Variants in KLF13 observed in about 807,000 individuals in gnomAD.
KLF13 encodes Krueppel-like factor 13.
Under a neutral mutation model 16.7 loss-of-function variants are expected in KLF13, and 8 were observed. The ratio of observed to expected loss-of-function variants is 0.48; its 90% confidence interval spans 0.28 to 0.87. KLF13 has a LOEUF of 0.87. KLF13 is among the 40% of genes least tolerant of loss of function. The probability of loss-of-function intolerance (pLI) is 0.10; values close to 1 mark genes in which losing one functional copy is unlikely to be tolerated. For missense variants in KLF13, 447 were observed against 452.2 expected, an observed-to-expected ratio of 0.99 and a Z score of 0.10; for synonymous variants, 245 against 208.4, an observed-to-expected ratio of 1.18 and a Z score of -1.51.
chr15:31,423,149 A>G (rs59886108), intron 1 of KLF13, among the ~76,000 whole-genome samples: 5 of 102,404 alleles, frequency 4.9e-5, no homozygotes, highest in African/African-American at 2.2e-4. Flanking sequence ...GTATACGTAT[A>G]TATACGTATA....
chr15:31,411,257 A>C (rs1264065722), intron 1 of KLF13, among the ~76,000 whole-genome samples: 2 of 152,162 alleles, frequency 1.3e-5, no homozygotes, highest in Non-Finnish European at 2.9e-5. Context: ...GCAATATATA[A>C]ATCTTTTTTT....
chr15:31,346,909 T>C (rs2039131294), intron 1 of KLF13, among the ~76,000 whole-genome samples: 1 of 151,618 alleles, frequency 6.6e-6, no homozygotes, highest in African/African-American at 2.4e-5. Flanking sequence ...GACGTGTGGG[T>C]TGGGTGGGCC....
chr15:31,413,953 G>T (rs1566844038), intron 1 of KLF13, among the ~76,000 whole-genome samples: 2 of 152,244 alleles, frequency 1.3e-5, no homozygotes, highest in East Asian at 1.9e-4. Context: ...AAATATATTT[G>T]CCAATAACGT....
rs565138330 is a variant in KLF13 at position 31,341,833 on chromosome 15, G to T, written c.577+14044G>T. On this transcript the variant is annotated intron_variant, in intron 1 of 1. Coordinates refer to ENST00000307145, the MANE Select transcript of KLF13 (RefSeq NM_015995.4). ...TGCTCCTGGCATCCCAGCCCCAGGC[G>T]CATCCAGCCTCAGCTTCTGCGTCTG... is the stretch of plus-strand genomic sequence containing the variant. Among the ~76,000 whole-genome samples, 5 of 152,218 alleles carry T rather than the reference G, an allele frequency of 3.3e-5. No individual in the cohort carries two copies. The South Asian group carries it at 1.0e-3, about 32-fold the overall frequency.
At chr15:31,425,562 G>A (rs954980639) in intron 1 of KLF13, among the ~76,000 whole-genome samples, 2 of 152,306 alleles carry the variant, frequency 1.3e-5, no homozygotes, top group African/African-American at 4.8e-5. Context: ...TGGAAGATCT[G>A]TGGGCCTTAT....
intron 1 of KLF13, among the ~76,000 whole-genome samples, chr15:31,349,241 G>T (rs957575989): frequency 2.6e-5 from 4 of 152,194 alleles, no homozygotes; most frequent in Non-Finnish European, 4.4e-5. Flanking sequence ...CATTCCATCT[G>T]GGGGAATCCC....
Position 31,377,543 on chromosome 15 carries a change from G to C in KLF13, c.*5244G>C, listed in dbSNP as rs1210254008. ...CAAAGCCATTGGTGGAGCTTCTCTGGAATCATTTGCCAAAAGCCCAAGGCA... is the reference window on the plus strand; with the variant it reads ...CAAAGCCATTGGTGGAGCTTCTCTGCAATCATTTGCCAAAAGCCCAAGGCA... On this transcript the variant is annotated 3_prime_UTR_variant, in exon 2 of 2. Transcript: ENST00000307145. 1 of 152,628 alleles carries C rather than the reference G, an allele frequency of 6.6e-6. No individual in the cohort carries two copies. Among genetic ancestry groups the C allele is most frequent in the African/African-American group, 2.4e-5 (1 of 41,426 alleles). The allele number at this position is 152,628 out of a possible 1,614,324, so 9.5% of individuals were successfully genotyped here.
At chr15:31,353,663 C>T (rs550631532) in intron 1 of KLF13, among the ~76,000 whole-genome samples, 6 of 152,256 alleles carry the variant, frequency 3.9e-5, no homozygotes, top group Admixed American at 1.3e-4. Context: ...TATCCTCCCC[C>T]CAAAGGGAGA....
intron 1 of KLF13, among the ~76,000 whole-genome samples, chr15:31,410,144 T>C (rs2040174534): frequency 6.6e-6 from 1 of 152,122 alleles, no homozygotes; most frequent in South Asian, 2.1e-4. Flanking sequence ...AAGCTCCTTA[T>C]ACTACATGTG....
intron 1 of KLF13, among the ~76,000 whole-genome samples, chr15:31,431,300 G>A (rs761985314): frequency 6.6e-6 from 1 of 152,036 alleles, no homozygotes; most frequent in Non-Finnish European, 1.5e-5. Context: ...GCCATCCAGT[G>A]TGTGGTATTA....
chr15:31,345,788 C>T (rs1277366570), intron 1 of KLF13, among the ~76,000 whole-genome samples: 2 of 152,176 alleles, frequency 1.3e-5, no homozygotes, highest in Non-Finnish European at 2.9e-5. Context: ...CCCTGCCAGC[C>T]TGGTGTAAAG....
At chr15:31,384,411 G>A (rs1387164110) in intron 1 of KLF13, among the ~76,000 whole-genome samples, 1 of 152,228 alleles carries the variant, frequency 6.6e-6, no homozygotes, top group Non-Finnish European at 1.5e-5. Flanking sequence ...CAACCTGGGT[G>A]AGAGTGAGGC....
intron 1 of KLF13, among the ~76,000 whole-genome samples, chr15:31,360,418 A>T (rs2039364451): frequency 6.6e-6 from 1 of 152,190 alleles, no homozygotes; most frequent in Non-Finnish European, 1.5e-5. Context: ...CCTGAGCAGG[A>T]TGTAGGGGGC....
chr15:31,430,994 C>T lies in KLF13; in HGVS notation n.118-4376C>T, dbSNP rs910851148. 5.3e-5 allele frequency among the ~76,000 whole-genome samples: 8 copies of T among 152,106 alleles called. 1 individual carries two copies. Among genetic ancestry groups the T allele is most frequent in the African/African-American group, 1.7e-4 (7 of 41,404 alleles). On this transcript the variant is annotated intron_variant and non_coding_transcript_variant, in intron 1 of 1. Transcript: ENST00000558225. Reference sequence around the variant, plus strand: ...TGCTACGGACTGAGTATATATGCACCACCCCAATTCATACGTTGAAATTCT... The same window carrying T: ...TGCTACGGACTGAGTATATATGCACTACCCCAATTCATACGTTGAAATTCT...
At chr15:31,382,277 T>C (rs2039736187), downstream of KLF13, among the ~76,000 whole-genome samples, 1 of 152,182 alleles carries the variant, frequency 6.6e-6, no homozygotes, top group Non-Finnish European at 1.5e-5. Context: ...AGAGGGTTGC[T>C]TGCTGAGCTG....
rs2039570589 is a variant in KLF13 at position 31,372,458 on chromosome 15, AAC to A, written c.*163_*164del. On this transcript the variant is annotated 3_prime_UTR_variant, in exon 2 of 2. Coordinates refer to ENST00000307145, the MANE Select transcript of KLF13 (RefSeq NM_015995.4). ...GTAAATTTGTTAAAAAAACAAAAAAAACACAAAAATTTCAAAAAACACCACCC... is the reference window on the plus strand; with the variant it reads ...GTAAATTTGTTAAAAAAACAAAAAAAACAAAAATTTCAAAAAACACCACCC... 3.5e-6 allele frequency: 3 copies of A among 856,660 alleles called. No homozygotes were observed. The highest frequency in any genetic ancestry group is 1.8e-5 in the African/African-American group (1 of 56,480). The allele number at this position is 856,660 out of a possible 1,614,324, so 53.1% of individuals were successfully genotyped here. A position where few individuals can be genotyped will look rare whatever the true frequency, so the allele number is the denominator to read the frequency against.
upstream of KLF13, among the ~76,000 whole-genome samples, chr15:31,390,428 G>C (rs1239996662): frequency 6.6e-6 from 1 of 152,156 alleles, no homozygotes; most frequent in African/African-American, 2.4e-5. Context: ...TAGAAAACAA[G>C]GTTCAAAATT....
At chr15:31,387,697 C>G (rs1018084444) in intron 1 of KLF13, among the ~76,000 whole-genome samples, 1 of 152,206 alleles carries the variant, frequency 6.6e-6, no homozygotes, top group African/African-American at 2.4e-5. Flanking sequence ...GACAATTTGA[C>G]AGTCTGTGAC....
At chr15:31,402,649 T>A (rs1049554344) in intron 2 of KLF13, among the ~76,000 whole-genome samples, 4 of 152,110 alleles carry the variant, frequency 2.6e-5, no homozygotes, top group African/African-American at 7.2e-5. Context: ...AGGAGCTGTC[T>A]CCAGCAGCAG....
Sources: gnomAD v4.1 joint callset for allele counts (sites outside exome capture counted in the v4.1 genomes callset) on GRCh38, gnomAD v4.1.1 for gene constraint, MANE v1.5 for transcripts, NCBI Gene and HGNC (gene_info 2026-07-23, HGNC 2026-07-21) for gene names.